Variants in ANK1 observed in about 807,000 individuals in gnomAD.
ANK1 encodes the protein ankyrin-1.
In ANK1, 51 loss-of-function variants were observed where a neutral mutation model predicts 210.4. The observed-to-expected ratio is 0.24, with a 90% confidence interval of 0.19 to 0.31. The LOEUF (loss-of-function observed/expected upper bound fraction) is 0.31, where lower values mean the gene tolerates loss of function less well. Among genes scored for constraint, ANK1 ranks in the 10% least tolerant of loss-of-function variants. ANK1 has a pLI of 1.00. For missense variants in ANK1, 2,051 were observed against 2,504.4 expected, an observed-to-expected ratio of 0.82 and a Z score of 3.86; for synonymous variants, 967 against 1,025.9, an observed-to-expected ratio of 0.94 and a Z score of 1.10.
At chr8:41,742,827 T>C (rs1315984994) in intron 2 of ANK1, among the ~76,000 whole-genome samples, 3 of 152,140 alleles carry the variant, frequency 2.0e-5, no homozygotes, top group African/African-American at 7.2e-5. Context: ...GCCTAGATGC[T>C]TTTACCTTTA....
chr8:41,744,451 T>C (rs1021298488), intron 2 of ANK1, among the ~76,000 whole-genome samples: 3 of 151,802 alleles, frequency 2.0e-5, no homozygotes, highest in South Asian at 2.1e-4. Context: ...AGTGAACTTA[T>C]AGTAGAAAAA....
chr8:41,758,154 C>G lies in ANK1; in HGVS notation c.28-17G>C. The G allele has an allele frequency of 6.2e-7, 1 of 1,610,488 alleles. No individual in the cohort carries two copies. The highest frequency in any genetic ancestry group is 8.5e-7 in the Non-Finnish European group (1 of 1,177,694). ...AGCATCGGCCTGTGAGGAAAAACAA[C>G]AGGCGGTGAGTGTCCTGGGTGTATT... On this transcript the variant is annotated splice_polypyrimidine_tract_variant and intron_variant, in intron 1 of 42. Transcript: ENST00000289734.
At chr8:41,778,058 G>A (rs1271006154) in intron 1 of ANK1, among the ~76,000 whole-genome samples, 1 of 152,118 alleles carries the variant, frequency 6.6e-6, no homozygotes, top group African/African-American at 2.4e-5. Flanking sequence ...GCAAAAATTC[G>A]GTGGGACTAG....
chr8:41,695,322 G>A lies in ANK1; in HGVS notation c.2970C>T (p.Ile990=), dbSNP rs34969689. The A allele has an allele frequency of 2.1e-3, 3,371 of 1,613,940 alleles. 50 individuals are homozygous for A. In the African/African-American group the frequency reaches 0.038, roughly 18 times the overall value. Residue 990 remains isoleucine, a synonymous_variant, in exon 27 of 43, where the codon ATC becomes ATT. Coordinates refer to ENST00000289734, the MANE Select transcript of ANK1 (RefSeq NM_000037.4). The part of the protein sequence containing the change: ...PTGAQFLSPV[I]VEIPHFASHG... ...GGGAGGCAAAGTGCGGGATCTCCAC[G>A]ATTACAGGGCTGAGGCAAGGACACA...
Position 41,695,343 on chromosome 8 carries a change from A to AC in ANK1, c.2961-13dup, listed in dbSNP as rs1346799417. ...CCACGATTACAGGGCTGAGGCAAGG[A>AC]CACAGTGGTGGTGGGGAGGTGCTCA... On this transcript the variant is annotated splice_polypyrimidine_tract_variant and intron_variant, in intron 26 of 42. Transcript: ENST00000289734. 2 of 1,613,564 alleles carry AC rather than the reference A, an allele frequency of 1.2e-6. No individual in the cohort carries two copies. Among genetic ancestry groups the AC allele is most frequent in the African/African-American group, 2.7e-5 (2 of 74,856 alleles).
At chr8:41,714,944 G>C in intron 15 of ANK1, 32 bp downstream of exon 15, 1 of 1,605,474 alleles carries the variant, frequency 6.2e-7, no homozygotes, top group Non-Finnish European at 8.5e-7. Context: ...TCTAACCTGA[G>C]AGCTGCAGGG....
intron 13 of ANK1, 51 bp from the exon 14 acceptor site, chr8:41,715,900 C>A (rs1250387310): frequency 1.9e-6 from 3 of 1,609,666 alleles, no homozygotes; most frequent in East Asian, 4.5e-5. Context: ...GTTACCAAAT[C>A]CAACTTTTCA....
At chr8:41,659,533 C>T (rs1807091693) in intron 42 of ANK1, among the ~76,000 whole-genome samples, 3 of 152,172 alleles carry the variant, frequency 2.0e-5, no homozygotes, top group Admixed American at 6.5e-5. Context: ...ACATGCTTGT[C>T]GGGGATGCGG....
At chr8:41,728,131 G>A in intron 3 of ANK1, 125 bp from the exon 4 acceptor site, 1 of 782,880 alleles carries the variant, frequency 1.3e-6, no homozygotes, top group Non-Finnish European at 2.2e-6. Context: ...AAAAGGGGTA[G>A]AAAGGACACA....
chr8:41,749,625 T>G (rs1391526171), intron 2 of ANK1, among the ~76,000 whole-genome samples: 1 of 147,254 alleles, frequency 6.8e-6, no homozygotes, highest in Non-Finnish European at 1.5e-5. Flanking sequence ...TTCTTTTTTT[T>G]TTTTGAGAAG....
chr8:41,664,499 AAG>A (rs1320219861), intron 39 of ANK1, among the ~76,000 whole-genome samples: 2 of 107,012 alleles, frequency 1.9e-5, no homozygotes, highest in Non-Finnish European at 4.7e-5. Context: ...CAAAAGAAAA[AAG>A]AGAAGAGAAG....
At chr8:41,777,611 A>ACAAAC (rs1563744102) in intron 1 of ANK1, among the ~76,000 whole-genome samples, 39 of 151,452 alleles carry the variant, frequency 2.6e-4, no homozygotes, top group South Asian at 6.3e-4. Flanking sequence ...ACAATAAATA[A>ACAAAC]AAACAAACAA....
intron 42 of ANK1, among the ~76,000 whole-genome samples, chr8:41,659,483 T>C (rs549100649): frequency 6.6e-6 from 1 of 152,304 alleles, no homozygotes; most frequent in Admixed American, 6.5e-5. Context: ...AGTGGACGAA[T>C]TCGCAAATGC....
chr8:41,731,306 T>C (rs910243329), intron 3 of ANK1, among the ~76,000 whole-genome samples: 1 of 152,204 alleles, frequency 6.6e-6, no homozygotes, highest in African/African-American at 2.4e-5. Flanking sequence ...TTCTCTATTT[T>C]CAGGGGCTCA....
Position 41,717,030 on chromosome 8 carries a change from T to C in ANK1, c.1327A>G (p.Met443Val), listed in dbSNP as rs769619019. The C allele has an allele frequency of 5.0e-6, 8 of 1,614,146 alleles. No homozygotes were observed. Among genetic ancestry groups the C allele is most frequent in the Non-Finnish European group, 6.8e-6 (8 of 1,180,054 alleles). ...SNVKVETPLH[M>V]AARAGHTEVA... ...TCCGTGTGCCCGGCTCTGGCTGCCA[T>C]GTGTAGCGGGGTCTCCACTTTCTAT... The change falls in exon 13 of 43, where the codon ATG becomes GTG. Residue 443 changes from methionine (M) to valine (V), a missense_variant. Met to Val is a conservative substitution (Grantham distance 21, BLOSUM62 1). Coordinates refer to ENST00000289734, the MANE Select transcript of ANK1 (RefSeq NM_000037.4).
At position 41,722,510 on chromosome 8, in the gene ANK1, T is replaced by A. The variant is rs561357314; in HGVS notation, c.909+615A>T. ...CCCAGAGCAGGCACAGGCAGCAGTG[T>A]GGCTGACAGCTTTCACCCCTTGAAG... On this transcript the variant is annotated intron_variant, in intron 9 of 42. Transcript: ENST00000289734. Among the ~76,000 whole-genome samples the A allele has an allele frequency of 2.6e-5, 4 of 152,370 alleles. No individual in the cohort carries two copies. The South Asian group carries it at 8.3e-4, about 32-fold the overall frequency.
At chr8:41,706,722 T>C (rs1376122259) in intron 17 of ANK1, among the ~76,000 whole-genome samples, 2 of 152,072 alleles carry the variant, frequency 1.3e-5, no homozygotes, top group African/African-American at 4.8e-5. Context: ...ATCTAGACAA[T>C]AGGGGTTATC....
chr8:41,718,780 G>A (rs1308532317), intron 10 of ANK1, among the ~76,000 whole-genome samples: 3 of 152,156 alleles, frequency 2.0e-5, no homozygotes, highest in African/African-American at 7.2e-5. Context: ...GCAATGTCTG[G>A]GGACATTTTT....
chr8:41,745,661 C>T (rs1835934714), intron 2 of ANK1, among the ~76,000 whole-genome samples: 1 of 152,014 alleles, frequency 6.6e-6, no homozygotes, highest in South Asian at 2.1e-4. Flanking sequence ...GGAATCACAG[C>T]CAGTATGAAG....
Sources: allele counts gnomAD v4.1 joint callset (sites outside exome capture counted in the v4.1 genomes callset), GRCh38; gene constraint gnomAD v4.1.1; transcripts MANE v1.5; gene names NCBI Gene and HGNC (gene_info 2026-07-23, HGNC 2026-07-21).